The following FOXP1 variants were observed in gnomAD, a reference collection of about 807,000 sequenced individuals.
FOXP1 encodes the protein forkhead box protein P1.
FOXP1 carries 15 observed loss-of-function variants against 98.2 expected under a neutral mutation model. That is an observed-to-expected ratio of 0.15 (90% confidence interval 0.10 to 0.24). The LOEUF is 0.24. Ranked by LOEUF, FOXP1 falls within the 10% of genes least tolerant of loss-of-function variation. The probability of loss-of-function intolerance (pLI) is 1.00; values close to 1 mark genes in which losing one functional copy is unlikely to be tolerated. For synonymous variants in FOXP1, 371 were observed against 314.5 expected, an observed-to-expected ratio of 1.18 and a Z score of -1.90; for missense variants, 633 against 848.5, an observed-to-expected ratio of 0.75 and a Z score of 3.15.
intron 7 of FOXP1, among the ~76,000 whole-genome samples, chr3:71,065,182 C>G (rs1399828732): frequency 6.6e-6 from 1 of 151,830 alleles, no homozygotes; most frequent in Non-Finnish European, 1.5e-5. Context: ...TAGCTGTTAA[C>G]CCGGTGACCC....
intron 7 of FOXP1, among the ~76,000 whole-genome samples, chr3:71,085,134 C>T (rs1029145933): frequency 2.6e-5 from 4 of 151,950 alleles, no homozygotes; most frequent in Admixed American, 6.6e-5. Flanking sequence ...TTTTTTTCTT[C>T]CACTTAGCTT....
At chr3:71,583,837 C>T (rs868683154), upstream of FOXP1, 19 of 987,530 alleles carry the variant, frequency 1.9e-5, no homozygotes, top group Admixed American at 1.0e-3. Flanking sequence ...GAGGCGCGGG[C>T]AGCACCGGCC....
At chr3:71,181,044 G>A (rs2062258814) in intron 6 of FOXP1, among the ~76,000 whole-genome samples, 1 of 152,160 alleles carries the variant, frequency 6.6e-6, no homozygotes, top group Non-Finnish European at 1.5e-5. Flanking sequence ...TCTAAATGAA[G>A]GTTTGCCTGT....
In FOXP1 at chr3:71,527,715, G is replaced by T. The variant is rs534180071; in HGVS notation, c.-297-34160C>A. On this transcript the variant is annotated intron_variant, in intron 2 of 20. Transcript: ENST00000649528. ...TTTCCCCCGACAATCTGTACAATAG[G>T]GGGGAAAAAACAAAGAGAAAAAAAA... is the stretch of plus-strand genomic sequence containing the variant. Among the ~76,000 whole-genome samples, 18 of 152,236 alleles carry T rather than the reference G, an allele frequency of 1.2e-4. No homozygotes were observed. The South Asian group carries it at 3.7e-3, about 32-fold the overall frequency.
chr3:71,419,287 A>AAAGAAAAC (rs2083453336), intron 3 of FOXP1, among the ~76,000 whole-genome samples: 1 of 151,554 alleles, frequency 6.6e-6, no homozygotes, highest in Non-Finnish European at 1.5e-5. Context: ...AGGGAAGGAA[A>AAAGAAAAC]AAGAAAACAC....
intron 6 of FOXP1, among the ~76,000 whole-genome samples, chr3:71,131,778 T>C (rs1026138248): frequency 1.3e-5 from 2 of 152,218 alleles, no homozygotes; most frequent in African/African-American, 4.8e-5. Flanking sequence ...GAGAACAGCA[T>C]GTCGCCTGAG....
At position 71,523,140 on chromosome 3, in the gene FOXP1, G is replaced by A. The variant is rs559781833; in HGVS notation, c.-297-29585C>T. Among the ~76,000 whole-genome samples the A allele has an allele frequency of 2.0e-5, 3 of 152,300 alleles. No individual in the cohort carries two copies. The South Asian group carries it at 6.2e-4, about 32-fold the overall frequency. On this transcript the variant is annotated intron_variant, in intron 2 of 20. Transcript: ENST00000649528. ...CATAGAAAGACCACCACAGGGAGATGAAGGCAGAGATCGAGGCAACGCTCC... is the reference window on the plus strand; with the variant it reads ...CATAGAAAGACCACCACAGGGAGATAAAGGCAGAGATCGAGGCAACGCTCC...
At position 71,452,323 on chromosome 3, in the gene FOXP1, T is replaced by G. The variant is rs370149287; in HGVS notation, c.-168+41103A>C. ...AGTTTAATTATTAAGTCAGCCCCCA[T>G]GCCAAGAGGGGGAAATGGAAAGGTA... On this transcript the variant is annotated intron_variant, in intron 3 of 20. Transcript: ENST00000649528. Among the ~76,000 whole-genome samples the G allele has an allele frequency of 2.9e-3, 447 of 152,178 alleles. 15 individuals are homozygous for G. In the South Asian group the frequency reaches 0.086, roughly 29 times the overall value.
intron 2 of FOXP1, among the ~76,000 whole-genome samples, chr3:71,524,539 TAAAA>T (rs35974535): frequency 2.3e-5 from 3 of 128,894 alleles, no homozygotes; most frequent in Non-Finnish European, 4.9e-5. Flanking sequence ...AAATAAATCT[TAAAA>T]AAAAAAAAAA....
At position 71,262,945 on chromosome 3, in the gene FOXP1, C is replaced by T. The variant is rs192728934; in HGVS notation, c.-12+36875G>A. Among the ~76,000 whole-genome samples the T allele has an allele frequency of 1.2e-3, 188 of 152,262 alleles. No homozygotes were observed. In the Middle Eastern group the frequency reaches 0.014, roughly 11 times the overall value. On this transcript the variant is annotated intron_variant, in intron 5 of 20. Coordinates refer to ENST00000649528, the MANE Select transcript of FOXP1 (RefSeq NM_001349338.3). The stretch of plus-strand genomic sequence containing the variant: ...TGAGTCTTCGGGTGGCCTTGGGACT[C>T]CATTGGCAAAACGGCTAGCCCTTTG...
Position 71,256,934 on chromosome 3 carries a change from T to C in FOXP1, c.-12+42886A>G, listed in dbSNP as rs554470365. On this transcript the variant is annotated intron_variant, in intron 5 of 20. Coordinates refer to ENST00000649528, the MANE Select transcript of FOXP1 (RefSeq NM_001349338.3). ...TATACTGGGACTGTCCTGCTTCCTA[T>C]CTTAGCCATCTTCTGTTCATTCTGA... Among the ~76,000 whole-genome samples the C allele has an allele frequency of 7.5e-4, 114 of 152,304 alleles. No individual in the cohort carries two copies. In the Middle Eastern group the frequency reaches 0.02, roughly 27 times the overall value.
intron 2 of FOXP1, among the ~76,000 whole-genome samples, chr3:71,516,570 G>T (rs192969386): frequency 5.2e-4 from 79 of 152,302 alleles, no homozygotes; most frequent in Non-Finnish European, 8.7e-4. Flanking sequence ...TGTAGGCCGG[G>T]TGTGGTGGCT....
chr3:71,582,692 C>G, intron 1 of FOXP1: 5 of 985,408 alleles, frequency 5.1e-6, no homozygotes, highest in Non-Finnish European at 6.0e-6. Flanking sequence ...CCGGCTCCCG[C>G]ACCCACCCGT....
chr3:71,093,273 G>GA (rs34159878), intron 7 of FOXP1, among the ~76,000 whole-genome samples: 87,820 of 133,160 alleles, frequency 0.66, 30,901 homozygotes, highest in Non-Finnish European at 0.79. Context: ...AAATAAAAAT[G>GA]AAAAAAAAAA....
intron 11 of FOXP1, among the ~76,000 whole-genome samples, chr3:71,028,356 A>G (rs543707192): frequency 1.3e-5 from 2 of 152,214 alleles, no homozygotes; most frequent in African/African-American, 4.8e-5. Flanking sequence ...TTCTCAGAGT[A>G]CGGGTCTGGA....
intron 2 of FOXP1, among the ~76,000 whole-genome samples, chr3:71,526,939 C>T (rs1227748876): frequency 6.6e-6 from 1 of 150,428 alleles, no homozygotes; most frequent in Non-Finnish European, 1.5e-5. Flanking sequence ...TGCACTCCAG[C>T]CTGGGCAACA....
At chr3:71,054,462 C>T (rs749378282) in intron 7 of FOXP1, among the ~76,000 whole-genome samples, 2 of 152,178 alleles carry the variant, frequency 1.3e-5, no homozygotes, top group Non-Finnish European at 2.9e-5. Context: ...CGTTTCTGCA[C>T]GGGCATCTTT....
chr3:71,304,747 T>C (rs1192053449), intron 4 of FOXP1: 1 of 152,256 alleles, frequency 6.6e-6, no homozygotes, highest in Non-Finnish European at 1.5e-5. Context: ...TAAATGCTTC[T>C]AAGTCTCTAG....
At chr3:71,570,678 T>C (rs2047273562) in intron 2 of FOXP1, 1 of 152,220 alleles carries the variant, frequency 6.6e-6, no homozygotes, top group Non-Finnish European at 1.5e-5. Context: ...TGGGCAACAC[T>C]TGGGGAAATA....
Sources: gnomAD v4.1 joint callset for allele counts (sites outside exome capture counted in the v4.1 genomes callset) on GRCh38, gnomAD v4.1.1 for gene constraint, MANE v1.5 for transcripts, NCBI Gene and HGNC (gene_info 2026-07-23, HGNC 2026-07-21) for gene names.